KCNAB2: variants seen among roughly 807,000 people sequenced by gnomAD.
The protein encoded by KCNAB2 is voltage-gated potassium channel subunit beta-2.
A neutral mutation model predicts 63.6 loss-of-function variants in KCNAB2; 29 were observed. The observed-to-expected ratio is 0.46, with a 90% CI of 0.34 to 0.62. The LOEUF (loss-of-function observed/expected upper bound fraction) is 0.62, where lower values mean the gene tolerates loss of function less well. Among genes scored for constraint, KCNAB2 ranks in the 20% least tolerant of loss-of-function variants. The pLI is 0.01. For missense variants in KCNAB2, 359 were observed against 563.9 expected (o/e 0.64, Z 3.68); for synonymous variants, 222 against 224.2 (o/e 0.99, Z 0.09).
chr1:6,033,368 CAT>C (rs1205623113), upstream of KCNAB2, among the ~76,000 whole-genome samples: 3 of 146,430 alleles, frequency 2.0e-5, no homozygotes, highest in South Asian at 2.2e-4. Flanking sequence ...GGTGTGTGTG[CAT>C]ATGTGTGCGT....
At chr1:6,090,181 C>T (rs1665067174) in intron 8 of KCNAB2, among the ~76,000 whole-genome samples, 1 of 152,212 alleles carries the variant, frequency 6.6e-6, no homozygotes, top group African/African-American at 2.4e-5. Flanking sequence ...CCCCCGATGT[C>T]CTCCTGAAGG....
In KCNAB2 at chr1:6,078,736, G is replaced by A. The variant is rs1468429296; in HGVS notation, c.301-3459G>A. On this transcript the variant is annotated intron_variant, in intron 4 of 15. Transcript: ENST00000378083. This position sits in a 1 kb window ranked among gnomAD's most constrained non-coding sequence, Gnocchi z 4.2. ...CAAGGCTCGCCCTGGCTGCTGCACTGGGAATGGCGAGTCATGAGGATGTCC... is the reference window on the plus strand; with the variant it reads ...CAAGGCTCGCCCTGGCTGCTGCACTAGGAATGGCGAGTCATGAGGATGTCC... 6.6e-6 allele frequency among the ~76,000 whole-genome samples: 1 copy of A among 152,204 alleles called. No individual in the cohort carries two copies. Among genetic ancestry groups the A allele is most frequent in the Non-Finnish European group, 1.5e-5 (1 of 68,038 alleles).
upstream of KCNAB2, among the ~76,000 whole-genome samples, chr1:6,045,716 GCT>G (rs1363386807): frequency 1.3e-5 from 2 of 152,150 alleles, no homozygotes; most frequent in Non-Finnish European, 2.9e-5. The surrounding 1 kb of genome is among the most constrained non-coding windows in gnomAD (Gnocchi z 4.8). Flanking sequence ...GAAGCCACAG[GCT>G]CTGTGTCCCG....
At chr1:6,041,463 G>A (rs1384561830), upstream of KCNAB2, 8 of 268,578 alleles carry the variant, frequency 3.0e-5, no homozygotes, top group Non-Finnish European at 5.8e-5. Context: ...GCACGTCTGG[G>A]TTGGAGGGTT....
upstream of KCNAB2, among the ~76,000 whole-genome samples, chr1:6,032,581 A>T (rs1431184537): frequency 6.6e-6 from 1 of 151,850 alleles, no homozygotes; most frequent in African/African-American, 2.4e-5. Flanking sequence ...GTTAAAAAAA[A>T]AAAAGAGAGA....
At chr1:6,040,524 C>G (rs1660411875) in exon 2 of KCNAB2, 1 of 1,546,054 alleles carries the variant, frequency 6.5e-7, no homozygotes, top group African/African-American at 1.4e-5. Flanking sequence ...CAGAATTTTC[C>G]CACTGTAAAA....
intron 1 of KCNAB2, among the ~76,000 whole-genome samples, chr1:6,027,643 G>A (rs577502320): frequency 1.3e-4 from 20 of 152,348 alleles, no homozygotes; most frequent in African/African-American, 4.8e-4. Context: ...TCAGGGAACA[G>A]GCATTGAACG....
intron 6 of KCNAB2, chr1:6,085,594 T>G: frequency 4.4e-6 from 1 of 229,516 alleles, no homozygotes; most frequent in African/African-American, 2.3e-5. Context: ...AGCAAAGGCG[T>G]GCTGCTACAG....
At chr1:6,058,176 C>A (rs998453585) in intron 2 of KCNAB2, among the ~76,000 whole-genome samples, 1 of 152,180 alleles carries the variant, frequency 6.6e-6, no homozygotes, top group Non-Finnish European at 1.5e-5. Context: ...AACAAAAACC[C>A]AGTCATTGGA....
chr1:6,094,548 A>G (rs1253721649), intron 11 of KCNAB2, 63 bp downstream of exon 11: 2 of 1,376,090 alleles, frequency 1.5e-6, no homozygotes, highest in Admixed American at 1.9e-5. Flanking sequence ...CTGCGTATGG[A>G]GACCCCAAAG....
rs531460313 is a variant in KCNAB2, at chr1:6,101,175, A to G, written c.*2601A>G. On this transcript the variant is annotated 3_prime_UTR_variant, in exon 16 of 16. Coordinates refer to ENST00000378083, the MANE Select transcript of KCNAB2 (RefSeq NM_001199862.2). Reference sequence around the variant, plus strand: ...GGAATGACAAAATAAATAAAGCCCAAACCCATCGGTCTCTGTGACTTTTTG... The same window carrying G: ...GGAATGACAAAATAAATAAAGCCCAGACCCATCGGTCTCTGTGACTTTTTG... The G allele has an allele frequency of 6.6e-6, 1 of 152,372 alleles. No individual in the cohort carries two copies. The highest frequency in any genetic ancestry group is 1.9e-4 in the East Asian group (1 of 5,182). The allele number at this position is 152,372 out of a possible 1,614,324, so 9.4% of individuals were successfully genotyped here. A position where few individuals can be genotyped will look rare whatever the true frequency, so the allele number is the denominator to read the frequency against.
chr1:6,031,629 G>A (rs923590057), upstream of KCNAB2, among the ~76,000 whole-genome samples: 1 of 152,018 alleles, frequency 6.6e-6, no homozygotes, highest in African/African-American at 2.4e-5. This position sits in a 1 kb window ranked among gnomAD's most constrained non-coding sequence, Gnocchi z 4.1. Context: ...GCTCACGCCT[G>A]TAATCCCAAC....
chr1:6,091,831 C>T (rs1223629522), intron 10 of KCNAB2, among the ~76,000 whole-genome samples: 12 of 152,206 alleles, frequency 7.9e-5, no homozygotes, highest in Admixed American at 6.5e-4. Flanking sequence ...GCTCCTCGGA[C>T]GGCATGCTGG....
intron 1 of KCNAB2, among the ~76,000 whole-genome samples, chr1:6,000,003 A>C (rs1570812597): frequency 7.0e-6 from 1 of 142,646 alleles, no homozygotes; most frequent in Non-Finnish European, 1.5e-5. Context: ...TGCTGTCTGC[A>C]CCCTCTCTGC....
At chr1:6,025,414 G>A (rs1324859437) in intron 1 of KCNAB2, among the ~76,000 whole-genome samples, 1 of 152,186 alleles carries the variant, frequency 6.6e-6, no homozygotes, top group Non-Finnish European at 1.5e-5. Flanking sequence ...CCCAGAGTGA[G>A]TCACCAGAGA....
chr1:6,019,510 AG>A (rs1174413738), intron 1 of KCNAB2, among the ~76,000 whole-genome samples: 1 of 152,164 alleles, frequency 6.6e-6, no homozygotes, highest in Admixed American at 6.5e-5. Flanking sequence ...CACCATTAAA[AG>A]AGAGTGGCAG....
rs542318267 is a variant in KCNAB2, at chr1:5,994,328, G to T, written c.-53+1540G>T. On this transcript the variant is annotated intron_variant, in intron 1 of 16. Transcript: ENST00000341524. The surrounding 1 kb of genome is among the most constrained non-coding windows in gnomAD (Gnocchi z 5.4). ...TCTGCCCACCTGATTCTCGCCTGGC[G>T]GCCGTGTCTGCTGCAGAGCCCTGTG... Among the ~76,000 whole-genome samples, 1 of 152,218 alleles carries T rather than the reference G, an allele frequency of 6.6e-6. No individual in the cohort carries two copies. Among genetic ancestry groups the T allele is most frequent in the African/African-American group, 2.4e-5 (1 of 41,450 alleles).
chr1:6,089,172 G>A, intron 8 of KCNAB2, 121 bp downstream of exon 8: 1 of 1,072,418 alleles, frequency 9.3e-7, no homozygotes, highest in East Asian at 2.6e-5. Flanking sequence ...CAATCCCGGG[G>A]CACCCGGTGC....
intron 1 of KCNAB2, among the ~76,000 whole-genome samples, chr1:6,048,588 G>A (rs374579721): frequency 1.3e-5 from 2 of 152,242 alleles, no homozygotes; most frequent in Non-Finnish European, 2.9e-5. Context: ...AACCAGACCC[G>A]GATTGCTTTT....
Sources: gnomAD v4.1 joint callset for allele counts (sites outside exome capture counted in the v4.1 genomes callset) on GRCh38, gnomAD v4.1.1 for gene constraint, Gnocchi (gnomAD v3.1) non-coding constraint, MANE v1.5 for transcripts, NCBI Gene and HGNC (gene_info 2026-07-23, HGNC 2026-07-21) for gene names.